The following BPIFB1 variants were observed in gnomAD, a reference collection of about 807,000 sequenced individuals.
BPIFB1 encodes BPI fold-containing family B member 1.
Under a neutral mutation model 55.1 loss-of-function variants are expected in BPIFB1, and 34 were observed. That is an observed-to-expected ratio of 0.62 (90% confidence interval 0.47 to 0.82). The LOEUF (loss-of-function observed/expected upper bound fraction) is 0.82, where lower values mean the gene tolerates loss of function less well. Ranked by LOEUF, BPIFB1 falls within the 40% of genes least tolerant of loss-of-function variation. The probability of loss-of-function intolerance (pLI) is 0.00; values close to 1 mark genes in which losing one functional copy is unlikely to be tolerated. For missense variants in BPIFB1, 532 were observed against 593.1 expected (o/e 0.90, Z 1.07); for synonymous variants, 236 against 245.3 (o/e 0.96, Z 0.35).
intron 6 of BPIFB1, among the ~76,000 whole-genome samples, chr20:33,292,437 T>C (rs1350084299): frequency 3.9e-5 from 6 of 152,160 alleles, no homozygotes; most frequent in East Asian, 1.9e-4. Flanking sequence ...TCAGGAGTAA[T>C]AGATAGTAGT....
rs111807835 is a variant in BPIFB1, at chr20:33,291,187, T to C, written c.515+81T>C. 16 of 1,531,300 alleles carry C rather than the reference T, an allele frequency of 1.0e-5. No homozygotes were observed. The African/African-American group carries it at 1.1e-4, about 10-fold the overall frequency. 94.9% of individuals were successfully genotyped at this position (1,531,300 alleles called of 1,614,324 possible). A position where few individuals can be genotyped will look rare whatever the true frequency, so the allele number is the denominator to read the frequency against. Reference sequence around the variant, plus strand: ...CAGTGGACTTCCCCCATTTTACAAATGGAGAACGCTGAGGCCTAGAGAAAG... The same window carrying C: ...CAGTGGACTTCCCCCATTTTACAAACGGAGAACGCTGAGGCCTAGAGAAAG... On this transcript the variant is annotated intron_variant, in intron 5 of 15. Transcript: ENST00000253354.
At chr20:33,304,715 G>A (rs1249516026) in intron 12 of BPIFB1, 131 bp from the exon 13 acceptor site, 1 of 1,103,736 alleles carries the variant, frequency 9.1e-7, no homozygotes, top group Non-Finnish European at 1.4e-6. Flanking sequence ...CGACGCAAGG[G>A]CTTCATGTGG....
chr20:33,304,182 C>A (rs528054310), intron 12 of BPIFB1, among the ~76,000 whole-genome samples, 157 bp downstream of exon 12: 1 of 152,168 alleles, frequency 6.6e-6, no homozygotes, highest in Non-Finnish European at 1.5e-5. Flanking sequence ...ACAAGGACTG[C>A]ATGTGAGGGA....
At chr20:33,286,269 C>T in intron 2 of BPIFB1, 81 bp downstream of exon 2, 7 of 1,250,046 alleles carry the variant, frequency 5.6e-6, no homozygotes, top group South Asian at 1.3e-5. Flanking sequence ...GAGAGAGTTC[C>T]TCATCACGGG....
intron 4 of BPIFB1, among the ~76,000 whole-genome samples, chr20:33,290,723 G>A (rs912634030): frequency 2.0e-5 from 3 of 152,228 alleles, no homozygotes; most frequent in African/African-American, 7.2e-5. Context: ...AGACATCGGA[G>A]TAGGGGGCTG....
At chr20:33,302,668 A>T in intron 10 of BPIFB1, 1 of 625,892 alleles carries the variant, frequency 1.6e-6, no homozygotes, top group Non-Finnish European at 2.8e-6. Flanking sequence ...TGGGCCCCTG[A>T]TACAGTCTGG....
At chr20:33,287,755 A>G (rs1271492947) in intron 2 of BPIFB1, among the ~76,000 whole-genome samples, 1 of 152,158 alleles carries the variant, frequency 6.6e-6, no homozygotes, top group Non-Finnish European at 1.5e-5. Flanking sequence ...CTGTTAACTC[A>G]CGGGGAAGCT....
At chr20:33,301,201 T>G in intron 8 of BPIFB1, 32 bp from the exon 9 acceptor site, 2 of 1,598,502 alleles carry the variant, frequency 1.3e-6, no homozygotes, top group Non-Finnish European at 1.7e-6. Flanking sequence ...AGAGTTAAAA[T>G]TCTTAGCTGA....
chr20:33,302,217 C>G, intron 9 of BPIFB1, 142 bp from the exon 10 acceptor site: 1 of 805,488 alleles, frequency 1.2e-6, no homozygotes, highest in Non-Finnish European at 2.1e-6. Flanking sequence ...GTTTTTCCAC[C>G]AATGACAGAC....
chr20:33,292,177 A>T (rs1388879753), intron 6 of BPIFB1, among the ~76,000 whole-genome samples, 189 bp downstream of exon 6: 1 of 152,252 alleles, frequency 6.6e-6, no homozygotes, highest in Non-Finnish European at 1.5e-5. Context: ...AGGCAAGGTC[A>T]TGGGACTGCT....
intron 2 of BPIFB1, among the ~76,000 whole-genome samples, chr20:33,286,689 T>C (rs1980276307): frequency 2.6e-5 from 4 of 152,164 alleles, no homozygotes; most frequent in Admixed American, 2.6e-4. Context: ...CACTGGGTGG[T>C]TGGAATTGAC....
intron 15 of BPIFB1, among the ~76,000 whole-genome samples, chr20:33,308,551 T>C (rs1029114229): frequency 1.4e-5 from 2 of 138,112 alleles, no homozygotes; most frequent in African/African-American, 2.8e-5. Context: ...CACACACCTT[T>C]ATACACCTAT....
chr20:33,293,339 C>A (rs964880495), intron 6 of BPIFB1, among the ~76,000 whole-genome samples: 8 of 152,156 alleles, frequency 5.3e-5, no homozygotes, highest in African/African-American at 1.9e-4. Flanking sequence ...CTTCCCACCT[C>A]CATCCACATG....
rs914556471 is a variant in BPIFB1 at position 33,290,087 on chromosome 20, A to T, written c.365+95A>T. ...CACCATGCAGGTGTCTGGAAAAGAG[A>T]GTTCCGAGCAGAGAGAAGAGCAAGT... On this transcript the variant is annotated intron_variant, in intron 4 of 15. Coordinates refer to ENST00000253354, the MANE Select transcript of BPIFB1 (RefSeq NM_033197.3). 7.3e-6 allele frequency: 7 copies of T among 964,222 alleles called. No homozygotes were observed. The African/African-American group carries it at 8.1e-5, about 11-fold the overall frequency. 59.7% of individuals were successfully genotyped at this position (964,222 alleles called of 1,614,324 possible). A position where few individuals can be genotyped will look rare whatever the true frequency, so the allele number is the denominator to read the frequency against.
intron 6 of BPIFB1, among the ~76,000 whole-genome samples, chr20:33,293,986 T>C (rs915173265): frequency 3.3e-5 from 5 of 152,210 alleles, no homozygotes; most frequent in African/African-American, 1.2e-4. Flanking sequence ...ACATTTAATC[T>C]CCATTTTGTG....
intron 7 of BPIFB1, chr20:33,299,265 C>A (rs1980764531): frequency 2.3e-6 from 1 of 441,268 alleles, no homozygotes; most frequent in South Asian, 1.6e-5. Context: ...CACTCCCCAT[C>A]CTCGGCCATA....
intron 8 of BPIFB1, among the ~76,000 whole-genome samples, chr20:33,300,904 T>C (rs1470044300): frequency 6.6e-6 from 1 of 152,206 alleles, no homozygotes; most frequent in Non-Finnish European, 1.5e-5. Context: ...CTAGTTTCTA[T>C]GGATCCTTTG....
intron 1 of BPIFB1, among the ~76,000 whole-genome samples, chr20:33,284,481 C>T (rs1006828683): frequency 3.9e-5 from 6 of 152,140 alleles, no homozygotes; most frequent in African/African-American, 1.4e-4. Context: ...AGCAGGCAGA[C>T]CCAGCCCTCC....
intron 2 of BPIFB1, among the ~76,000 whole-genome samples, chr20:33,287,069 G>A (rs1438680247): frequency 1.3e-5 from 2 of 152,228 alleles, no homozygotes; most frequent in Non-Finnish European, 2.9e-5. Context: ...CCAGCGGATG[G>A]ATTCCCAAGT....
Sources: gnomAD v4.1 joint callset for allele counts (sites outside exome capture counted in the v4.1 genomes callset) on GRCh38, gnomAD v4.1.1 for gene constraint, MANE v1.5 for transcripts, NCBI Gene and HGNC (gene_info 2026-07-23, HGNC 2026-07-21) for gene names.